The following ZNF664 variants were observed in gnomAD, a reference collection of about 807,000 sequenced individuals.
The protein encoded by ZNF664 is zinc finger protein 664.
Under a neutral mutation model 18.2 loss-of-function variants are expected in ZNF664, and 10 were observed. That is an observed-to-expected ratio of 0.55 (90% CI 0.34 to 0.93). The LOEUF is 0.93. Among genes scored for constraint, ZNF664 ranks in the 40% least tolerant of loss-of-function variants. The probability of loss-of-function intolerance (pLI) is 0.02; values close to 1 mark genes in which losing one functional copy is unlikely to be tolerated. For missense variants in ZNF664, 193 were observed against 319.0 expected (o/e 0.61, Z 3.01); for synonymous variants, 119 against 104.2 (o/e 1.14, Z -0.86).
At chr12:123,982,670 A>G in intron 2 of ZNF664, among the ~76,000 whole-genome samples, 1 of 152,222 alleles carries the variant, frequency 6.6e-6, no homozygotes, top group African/African-American at 2.4e-5. Flanking sequence ...TTACAGGAGC[A>G]GATTCATTTA....
intron 2 of ZNF664, among the ~76,000 whole-genome samples, chr12:123,984,074 A>T (rs908664678): frequency 2.0e-5 from 3 of 152,076 alleles, no homozygotes; most frequent in African/African-American, 4.8e-5. Flanking sequence ...TGAAATGTGG[A>T]CTCCTAGCAA....
At chr12:124,008,724 G>C (rs533543623) in intron 3 of ZNF664, among the ~76,000 whole-genome samples, 1 of 152,224 alleles carries the variant, frequency 6.6e-6, no homozygotes, top group African/African-American at 2.4e-5. Context: ...GTCATTATGA[G>C]CTCCTGGGGT....
intron 2 of ZNF664, among the ~76,000 whole-genome samples, chr12:123,985,512 C>T (rs11837287): frequency 0.32 from 49,196 of 152,156 alleles, 8,137 homozygotes; most frequent in Middle Eastern, 0.37. Context: ...TTTTAAAAAA[C>T]TTCTTGGTAA....
chr12:123,994,532 A>G (rs1426665367), intron 3 of ZNF664, among the ~76,000 whole-genome samples: 2 of 152,212 alleles, frequency 1.3e-5, no homozygotes, highest in Non-Finnish European at 2.9e-5. Context: ...GAGTTTAAAT[A>G]AAAGACATCT....
At position 123,973,875 on chromosome 12, in the gene ZNF664, G is replaced by T; in HGVS notation, c.-891-11G>T. ...AGGAGCCGGCTGCATGGGGTGCTGT[G>T]TGTTTTTCAGGGCGCCCTGCGTCCG... On this transcript the variant is annotated splice_polypyrimidine_tract_variant and intron_variant, in intron 1 of 4. Coordinates refer to ENST00000337815, the MANE Select transcript of ZNF664 (RefSeq NM_152437.3). The T allele has an allele frequency of 9.6e-7, 1 of 1,039,096 alleles. No homozygotes were observed. Among genetic ancestry groups the T allele is most frequent in the African/African-American group, 1.7e-5 (1 of 59,432 alleles). 64.4% of individuals were successfully genotyped at this position (1,039,096 alleles called of 1,614,324 possible).
At chr12:123,981,212 A>T (rs1338215235) in intron 2 of ZNF664, among the ~76,000 whole-genome samples, 3 of 152,156 alleles carry the variant, frequency 2.0e-5, no homozygotes, top group African/African-American at 7.2e-5. Context: ...GATGGGGGGA[A>T]GTCAATGATA....
Position 124,012,427 on chromosome 12 carries a change from G to A in ZNF664, c.283G>A (p.Ala95Thr). ...KPYKCYECGK[A>T]FNWSSHLQIH... is the part of the protein sequence containing the mutation. ...CTATAAATGTTACGAGTGTGGCAAA[G>A]CCTTCAATTGGAGCTCCCATCTTCA... Residue 95 changes from alanine (A) to threonine (T), a missense_variant, in exon 5 of 5, where the codon GCC becomes ACC. By Grantham distance (58) the Ala-to-Thr change is moderately conservative (BLOSUM62 0). Transcript: ENST00000337815. The A allele has an allele frequency of 1.2e-6, 2 of 1,614,206 alleles. No homozygotes were observed. The highest frequency in any genetic ancestry group is 1.7e-6 in the Non-Finnish European group (2 of 1,180,046).
Position 124,012,999 on chromosome 12 carries a change from C to T in ZNF664, c.*69C>T, listed in dbSNP as rs374733129. On this transcript the variant is annotated 3_prime_UTR_variant, in exon 5 of 5. Coordinates refer to ENST00000337815, the MANE Select transcript of ZNF664 (RefSeq NM_152437.3). Reference sequence around the variant, plus strand: ...ACTAGGAAGGAAACCCTGTATATACCTACATTGACCCAAGAAATATTTACG... The same window carrying T: ...ACTAGGAAGGAAACCCTGTATATACTTACATTGACCCAAGAAATATTTACG... 9 of 1,504,434 alleles carry T rather than the reference C, an allele frequency of 6.0e-6. No individual in the cohort carries two copies. Among genetic ancestry groups the T allele is most frequent in the African/African-American group, 5.6e-5 (4 of 70,842 alleles). 93.2% of individuals were successfully genotyped at this position (1,504,434 alleles called of 1,614,324 possible). A position where few individuals can be genotyped will look rare whatever the true frequency, so the allele number is the denominator to read the frequency against.
At chr12:123,992,979 G>A (rs1168681626) in intron 3 of ZNF664, among the ~76,000 whole-genome samples, 2 of 152,180 alleles carry the variant, frequency 1.3e-5, no homozygotes, top group African/African-American at 4.8e-5. Context: ...AAGAAACCCA[G>A]ATTCACTTCT....
intron 3 of ZNF664, among the ~76,000 whole-genome samples, chr12:124,005,524 TGA>T (rs1555272969): frequency 2.0e-5 from 3 of 147,360 alleles, no homozygotes; most frequent in Non-Finnish European, 3.0e-5. Context: ...TGTGTGTGTG[TGA>T]GAGATAGGCC....
intron 3 of ZNF664, among the ~76,000 whole-genome samples, chr12:124,008,344 C>G (rs182031111): frequency 6.6e-6 from 1 of 152,152 alleles, no homozygotes; most frequent in Non-Finnish European, 1.5e-5. Flanking sequence ...TCCCATTGCA[C>G]CACAGCAGGA....
chr12:123,995,348 T>C (rs1363335335), intron 3 of ZNF664, among the ~76,000 whole-genome samples: 2 of 152,248 alleles, frequency 1.3e-5, no homozygotes, highest in Non-Finnish European at 2.9e-5. Flanking sequence ...CACAGACTAT[T>C]GTGTGACCTG....
intron 2 of ZNF664, 124 bp downstream of exon 2, chr12:123,974,144 C>A: frequency 1.6e-6 from 1 of 624,150 alleles, no homozygotes; most frequent in Non-Finnish European, 2.3e-6. Flanking sequence ...TCCGTATACC[C>A]CCTCCCAGAC....
intron 2 of ZNF664, chr12:123,974,324 A>G (rs1231350740): frequency 3.2e-6 from 1 of 312,008 alleles, no homozygotes; most frequent in Non-Finnish European, 5.8e-6. Context: ...TCTTATTGCA[A>G]CAAAGGAGAC....
intron 3 of ZNF664, chr12:123,998,344 G>GTGGACTACT (rs1475239485): frequency 2.6e-5 from 4 of 152,114 alleles, no homozygotes; most frequent in African/African-American, 7.2e-5. Flanking sequence ...GTCTTTATAG[G>GTGGACTACT]TGGACTACTA....
Position 124,012,125 on chromosome 12 carries a change from C to A in ZNF664, c.-20C>A, listed in dbSNP as rs762197709. On this transcript the variant is annotated 5_prime_UTR_variant, in exon 5 of 5. Transcript: ENST00000337815. Reference sequence around the variant, plus strand: ...CATAAGGAAATTTTCTCCTTGAAATCACGATACCAAATAGGAAAAATGATC... The same window carrying A: ...CATAAGGAAATTTTCTCCTTGAAATAACGATACCAAATAGGAAAAATGATC... 1.3e-6 allele frequency: 2 copies of A among 1,583,382 alleles called. No individual in the cohort carries two copies. The highest frequency in any genetic ancestry group is 3.8e-5 in the Admixed American group (2 of 52,206).
chr12:123,997,030 CAAAGAAT>C, intron 3 of ZNF664, among the ~76,000 whole-genome samples: 1 of 151,916 alleles, frequency 6.6e-6, no homozygotes, highest in Non-Finnish European at 1.5e-5. Flanking sequence ...GAGACAGAAG[CAAAGAAT>C]AAAACTCTTG....
At chr12:123,974,807 G>T (rs565804929) in intron 2 of ZNF664, among the ~76,000 whole-genome samples, 51 of 152,316 alleles carry the variant, frequency 3.3e-4, no homozygotes, top group African/African-American at 1.2e-3. Context: ...GCTGCACCAT[G>T]TTCCATAGTT....
chr12:123,991,213 A>G (rs746633706), intron 3 of ZNF664, among the ~76,000 whole-genome samples: 5 of 152,224 alleles, frequency 3.3e-5, no homozygotes, highest in Non-Finnish European at 7.3e-5. Flanking sequence ...ACTGAAGCTA[A>G]TCATTGTGTC....
Sources: allele counts gnomAD v4.1 joint callset (sites outside exome capture counted in the v4.1 genomes callset), GRCh38; gene constraint gnomAD v4.1.1; transcripts MANE v1.5; gene names NCBI Gene and HGNC (gene_info 2026-07-23, HGNC 2026-07-21).